Variants in ARHGEF2 observed in about 807,000 individuals in gnomAD.
The protein encoded by ARHGEF2 is Rho/Rac guanine nucleotide exchange factor 2.
ARHGEF2 carries 22 observed loss-of-function variants against 121.0 expected under a neutral mutation model. That is an observed-to-expected ratio of 0.18 (90% CI 0.13 to 0.26). ARHGEF2 has a LOEUF of 0.26. Among genes scored for constraint, ARHGEF2 ranks in the 10% least tolerant of loss-of-function variants. The probability of loss-of-function intolerance (pLI) is 1.00; values close to 1 mark genes in which losing one functional copy is unlikely to be tolerated. For synonymous variants in ARHGEF2, 487 were observed against 530.0 expected (o/e 0.92, Z 1.11); for missense variants, 907 against 1,336.0 (o/e 0.68, Z 5.01).
rs753150792 is a variant in ARHGEF2, at chr1:155,951,691, A to G, written c.2208+50T>C. On this transcript the variant is annotated intron_variant, in intron 18 of 21. Transcript: ENST00000361247. This position sits in a 1 kb window ranked among gnomAD's most constrained non-coding sequence, Gnocchi z 5.1. ...TCCAAACTGGGCTCTAACTACTCAG[A>G]CTAAGAACATCCTCCCTTCAGTCTC... is the stretch of plus-strand genomic sequence containing the variant. 1.9e-6 allele frequency: 3 copies of G among 1,613,750 alleles called. No homozygotes were observed. The highest frequency in any genetic ancestry group is 2.5e-6 in the Non-Finnish European group (3 of 1,179,724).
rs764649132 is a variant in ARHGEF2 at position 155,947,388 on chromosome 1, C to T, written c.*554G>A. ...TATCTCCCAGGGCTTCCATGAAGGACGGAGAAAGGGAGAACAGCAGTAAGA... is the reference window on the plus strand; with the variant it reads ...TATCTCCCAGGGCTTCCATGAAGGATGGAGAAAGGGAGAACAGCAGTAAGA... On this transcript the variant is annotated 3_prime_UTR_variant, in exon 22 of 22. Transcript: ENST00000361247. The T allele has an allele frequency of 3.1e-5, 14 of 456,338 alleles. 1 individual carries two copies. The highest frequency in any genetic ancestry group is 9.3e-5 in the South Asian group (6 of 64,564). The allele number at this position is 456,338 out of a possible 1,614,324, so 28.3% of individuals were successfully genotyped here.
chr1:155,964,144 C>CAAAA (rs71576039), intron 7 of ARHGEF2, among the ~76,000 whole-genome samples: 33 of 55,758 alleles, frequency 5.9e-4, no homozygotes, highest in South Asian at 3.8e-3. Flanking sequence ...GACTCTGCTT[C>CAAAA]AAAAAAAAAA....
chr1:155,972,839 C>T (rs577712515), intron 1 of ARHGEF2, among the ~76,000 whole-genome samples: 1 of 151,918 alleles, frequency 6.6e-6, no homozygotes, highest in African/African-American at 2.4e-5. Context: ...ATAGCTGGGA[C>T]CACAGGCATG....
At chr1:155,979,064 G>A (rs1681869198), upstream of ARHGEF2, 4 of 985,798 alleles carry the variant, frequency 4.1e-6, no homozygotes, top group Non-Finnish European at 4.8e-6. Context: ...GGTGGCCAGA[G>A]GGAGAGGAAA....
chr1:155,949,264 T>TAAATA (rs558077837), intron 21 of ARHGEF2, among the ~76,000 whole-genome samples: 3,857 of 145,906 alleles, frequency 0.026, 65 homozygotes, highest in South Asian at 0.037. Context: ...AATAAATAAA[T>TAAATA]AAATAAAATA....
At chr1:155,952,471 C>T (rs1572060986) in intron 15 of ARHGEF2, among the ~76,000 whole-genome samples, 157 bp downstream of exon 15, 1 of 152,266 alleles carries the variant, frequency 6.6e-6, no homozygotes, top group East Asian at 1.9e-4. Context: ...TCCTCCCCTG[C>T]CTTTCCCAGG....
At position 155,978,061 on chromosome 1, in the gene ARHGEF2, C is replaced by A. The variant is rs1572217989; in HGVS notation, c.63+304G>T. 8.8e-7 allele frequency: 1 copy of A among 1,139,488 alleles called. No homozygotes were observed. The highest frequency in any genetic ancestry group is 1.1e-6 in the Non-Finnish European group (1 of 926,852). 70.6% of individuals were successfully genotyped at this position (1,139,488 alleles called of 1,614,324 possible). A position where few individuals can be genotyped will look rare whatever the true frequency, so the allele number is the denominator to read the frequency against. On this transcript the variant is annotated intron_variant, in intron 1 of 21. Transcript: ENST00000361247. The surrounding 1 kb of genome is among the most constrained non-coding windows in gnomAD (Gnocchi z 4.1). ...CACACCTCCCTCTTCCCGCTCCGTC[C>A]CTTACCGGAGCAACTTTCTTTCAAG...
Position 155,966,857 on chromosome 1 carries a change from T to C in ARHGEF2, c.239A>G (p.Lys80Arg). The stretch of plus-strand genomic sequence containing the variant: ...CTTGGTACAGTTGGCGAGGGTGTCT[T>C]TACAGCGGTTGTGGATAGTCACATT... ...TCNVTIHNRC[K>R]DTLANCTKVK... The change falls in exon 3 of 22, where the codon AAA becomes AGA. Residue 80 changes from lysine to arginine, a missense_variant. By Grantham distance (26) the Lys-to-Arg change is conservative. Around this residue, in one of 2 missense-constraint regions of ARHGEF2, gnomAD observed 475 missense variants for 776.5 expected, o/e 0.61. Transcript: ENST00000361247. The C allele has an allele frequency of 6.2e-7, 1 of 1,613,642 alleles. No individual in the cohort carries two copies. The highest frequency in any genetic ancestry group is 1.1e-5 in the South Asian group (1 of 91,058).
intron 21 of ARHGEF2, among the ~76,000 whole-genome samples, chr1:155,949,756 AATC>A (rs1675032340): frequency 6.6e-6 from 1 of 151,706 alleles, no homozygotes; most frequent in Non-Finnish European, 1.5e-5. Flanking sequence ...GGGCGCCTGT[AATC>A]CTAGCTACTT....
intron 15 of ARHGEF2, 104 bp downstream of exon 15, chr1:155,952,524 G>A: frequency 7.6e-7 from 1 of 1,309,510 alleles, no homozygotes; most frequent in Non-Finnish European, 1.1e-6. Flanking sequence ...ATGGTTTATA[G>A]GGTTGGCATC....
rs774928815 is a variant in ARHGEF2 at position 155,950,911 on chromosome 1, G to C, written c.2621C>G (p.Pro874Arg). ...AGGATCCACAGGTCTGCGGGCCCAG[G>C]GGGCCTCAGCTGGGAGTGGCTCGGT... ...GQTEPLPAEA[P>R]WARRPVDPRR... Residue 874 changes from proline (P) to arginine (R), a missense_variant, in exon 20 of 22, where the codon CCC becomes CGC. Around this residue, in one of 2 missense-constraint regions of ARHGEF2, gnomAD observed 432 missense variants for 559.5 expected, o/e 0.77. Coordinates refer to ENST00000361247, the MANE Select transcript of ARHGEF2 (RefSeq NM_001162383.2). This position sits in a 1 kb window ranked among gnomAD's most constrained non-coding sequence, Gnocchi z 5.2. 1 of 1,599,170 alleles carries C rather than the reference G, an allele frequency of 6.3e-7. No individual in the cohort carries two copies. The highest frequency in any genetic ancestry group is 1.1e-5 in the South Asian group (1 of 89,850).
intron 1 of ARHGEF2, among the ~76,000 whole-genome samples, chr1:155,976,958 C>T (rs1273644246): frequency 1.3e-5 from 2 of 152,112 alleles, no homozygotes; most frequent in African/African-American, 4.8e-5. Context: ...TTTAAAGCTG[C>T]TTTCCCTGGC....
chr1:155,962,266 C>T lies in ARHGEF2; in HGVS notation c.1102-44G>A, dbSNP rs1430787226. ...GGCTCAGGGCCAGAGGGGAGGGCAA[C>T]AGAAAGGCCTGGGGCCTGAGCTCTG... On this transcript the variant is annotated intron_variant, in intron 9 of 21. Transcript: ENST00000361247. This position sits in a 1 kb window ranked among gnomAD's most constrained non-coding sequence, Gnocchi z 5.8. The T allele has an allele frequency of 1.9e-6, 3 of 1,582,792 alleles. No homozygotes were observed. Among genetic ancestry groups the T allele is most frequent in the African/African-American group, 1.3e-5 (1 of 74,316 alleles).
chr1:155,971,451 C>A (rs1680439067), intron 1 of ARHGEF2, among the ~76,000 whole-genome samples: 1 of 151,786 alleles, frequency 6.6e-6, no homozygotes, highest in Non-Finnish European at 1.5e-5. Flanking sequence ...TAGTGGCAGG[C>A]ACCTGTAATC....
In ARHGEF2 at chr1:155,951,200, A is replaced by G; in HGVS notation, c.2332T>C (p.Cys778Arg). Residue 778 changes from cysteine (C) to arginine (R), a missense_variant, in exon 20 of 22, where the codon TGC becomes CGC. Cys to Arg is a radical substitution (Grantham distance 180). This residue lies in a region of ARHGEF2 where 432 missense variants were observed against 559.5 expected (regional missense o/e 0.77). Coordinates refer to ENST00000361247, the MANE Select transcript of ARHGEF2 (RefSeq NM_001162383.2). The surrounding 1 kb of genome is among the most constrained non-coding windows in gnomAD (Gnocchi z 5.1). ...PEGPERREKLCRANSRDGEAG... is the reference protein window; with the variant it reads ...PEGPERREKLRRANSRDGEAG... ...TCCCCATCCCGAGAGTTGGCTCGGC[A>G]CAGCTTCTCCCGCCGCTCAGGGCCC... 6.2e-7 allele frequency: 1 copy of G among 1,608,506 alleles called. No individual in the cohort carries two copies.
At chr1:155,972,255 C>T (rs2102688486) in intron 1 of ARHGEF2, 1 of 467,544 alleles carries the variant, frequency 2.1e-6, no homozygotes, top group South Asian at 1.5e-5. Context: ...CAACACTCAC[C>T]CTCTCTCGAA....
In ARHGEF2 at chr1:155,951,068, G is replaced by A. The variant is rs1043912121; in HGVS notation, c.2464C>T (p.Arg822Trp). ...ALLQEELRRC[R>W]RLGEERATEA... Reference sequence around the variant, plus strand: ...GTTGCCCGTTCTTCACCTAGCCGCCGGCAGCGCCGTAGCTCCTCCTGCAGC... The same window carrying A: ...GTTGCCCGTTCTTCACCTAGCCGCCAGCAGCGCCGTAGCTCCTCCTGCAGC... Residue 822 changes from arginine (R) to tryptophan (W), a missense_variant, in exon 20 of 22, where the codon CGG becomes TGG. This residue lies in a region of ARHGEF2 where 432 missense variants were observed against 559.5 expected (regional missense o/e 0.77). Coordinates refer to ENST00000361247, the MANE Select transcript of ARHGEF2 (RefSeq NM_001162383.2). The surrounding 1 kb of genome is among the most constrained non-coding windows in gnomAD (Gnocchi z 5.1). 6 of 1,600,096 alleles carry A rather than the reference G, an allele frequency of 3.7e-6. No individual in the cohort carries two copies. The highest frequency in any genetic ancestry group is 4.3e-6 in the Non-Finnish European group (5 of 1,175,260).
rs1408731048 is a variant in ARHGEF2 at position 155,971,755 on chromosome 1, T to G, written c.64-2455A>C. Among the ~76,000 whole-genome samples, 5 of 150,046 alleles carry G rather than the reference T, an allele frequency of 3.3e-5. 1 individual carries two copies. The highest frequency in any genetic ancestry group is 1.2e-4 in the African/African-American group (5 of 40,746). ...AGTTTGAGCATGTATTACATTTGAA[T>G]TAAAAGCAAGAGGCCGGTGAGGTGG... On this transcript the variant is annotated intron_variant, in intron 1 of 21. Coordinates refer to ENST00000361247, the MANE Select transcript of ARHGEF2 (RefSeq NM_001162383.2).
At chr1:155,949,326 A>G (rs1674916026) in intron 21 of ARHGEF2, among the ~76,000 whole-genome samples, 1 of 152,124 alleles carries the variant, frequency 6.6e-6, no homozygotes, top group African/African-American at 2.4e-5. Flanking sequence ...TCACATCTGT[A>G]ATCCCAGCAC....
Sources: allele counts gnomAD v4.1 joint callset (sites outside exome capture counted in the v4.1 genomes callset), GRCh38; gene constraint gnomAD v4.1.1; regional missense constraint gnomAD v4.1.1; non-coding constraint Gnocchi (gnomAD v3.1); transcripts MANE v1.5; gene names NCBI Gene and HGNC (gene_info 2026-07-23, HGNC 2026-07-21).